ZFPM2: variants seen among roughly 807,000 people sequenced by gnomAD.
ZFPM2 encodes zinc finger protein ZFPM2.
A neutral mutation model predicts 98.6 loss-of-function variants in ZFPM2; 20 were observed. The observed-to-expected ratio is 0.20, with a 90% CI of 0.14 to 0.29. The LOEUF (loss-of-function observed/expected upper bound fraction) is 0.29. Ranked by LOEUF, ZFPM2 falls within the 10% of genes least tolerant of loss-of-function variation. ZFPM2 has a pLI of 1.00. For synonymous variants in ZFPM2, 518 were observed against 502.7 expected (o/e 1.03, Z -0.41); for missense variants, 1,310 against 1,388.6 (o/e 0.94, Z 0.90).
rs545639143 is a variant in ZFPM2, at chr8:105,620,560, G to T, written c.421-13686G>T. 8.5e-5 allele frequency among the ~76,000 whole-genome samples: 13 copies of T among 152,168 alleles called. No homozygotes were observed. In the East Asian group the frequency reaches 2.3e-3, roughly 27 times the overall value. On this transcript the variant is annotated intron_variant, in intron 4 of 7. Transcript: ENST00000407775. Reference sequence around the variant, plus strand: ...AATTAGATCCCATTTGTCTATTTTGGCTTTTATTGCCATTGCTTTTGTGTT... The same window carrying T: ...AATTAGATCCCATTTGTCTATTTTGTCTTTTATTGCCATTGCTTTTGTGTT...
intron 1 of ZFPM2, among the ~76,000 whole-genome samples, chr8:105,333,048 G>C (rs1812262181): frequency 6.6e-6 from 1 of 151,676 alleles, no homozygotes; most frequent in South Asian, 2.1e-4. Context: ...GTATTTGCTT[G>C]ATAATTGCTT....
intron 6 of ZFPM2, among the ~76,000 whole-genome samples, chr8:105,789,654 C>T (rs1425514538): frequency 5.9e-5 from 9 of 151,910 alleles, no homozygotes; most frequent in Admixed American, 2.6e-4. Context: ...CCTGAGGAAT[C>T]GCCACACTGA....
intron 5 of ZFPM2, among the ~76,000 whole-genome samples, chr8:105,664,615 A>T (rs1387547884): frequency 1.3e-5 from 2 of 152,214 alleles, no homozygotes; most frequent in Non-Finnish European, 2.9e-5. Flanking sequence ...GATTATAGGC[A>T]AGAGCCACCG....
intron 5 of ZFPM2, among the ~76,000 whole-genome samples, chr8:105,745,106 A>G (rs935923561): frequency 6.6e-6 from 1 of 152,210 alleles, no homozygotes; most frequent in South Asian, 2.1e-4. Flanking sequence ...GTAGCTTTTA[A>G]TGTGTCTTTA....
intron 6 of ZFPM2, among the ~76,000 whole-genome samples, chr8:105,796,334 T>G (rs1046813677): frequency 1.3e-5 from 2 of 152,222 alleles, no homozygotes; most frequent in Admixed American, 6.5e-5. Context: ...GCAAGACAGC[T>G]ATTTATGTCA....
At chr8:105,655,575 A>G (rs72673785) in intron 5 of ZFPM2, among the ~76,000 whole-genome samples, 17,049 of 152,184 alleles carry the variant, frequency 0.11, 1,051 homozygotes, top group Middle Eastern at 0.2. Context: ...AATGGCGGAC[A>G]ATGCTTTGTT....
chr8:105,418,341 G>C (rs2130075029), intron 1 of ZFPM2, among the ~76,000 whole-genome samples: 1 of 152,234 alleles, frequency 6.6e-6, no homozygotes, highest in East Asian at 1.9e-4. Flanking sequence ...GAGGCAGTCA[G>C]AAATTCACAA....
intron 5 of ZFPM2, among the ~76,000 whole-genome samples, chr8:105,763,313 A>G (rs1812777678): frequency 6.6e-6 from 1 of 151,788 alleles, no homozygotes; most frequent in African/African-American, 2.4e-5. Context: ...TACAGGACCA[A>G]TCTCCTTCCA....
At chr8:105,761,899 A>G (rs951483093) in intron 5 of ZFPM2, among the ~76,000 whole-genome samples, 1 of 152,028 alleles carries the variant, frequency 6.6e-6, no homozygotes, top group African/African-American at 2.4e-5. Flanking sequence ...TAAGGACTGA[A>G]GCACATAAAT....
chr8:105,802,912 G>GTCTT lies in ZFPM2; in HGVS notation c.2832_2835dup (p.Ser946LeufsTer2). 1 of 1,613,620 alleles carries GTCTT rather than the reference G, an allele frequency of 6.2e-7. No individual in the cohort carries two copies. Among genetic ancestry groups the GTCTT allele is most frequent in the South Asian group, 1.1e-5 (1 of 91,032 alleles). On this transcript the variant is annotated frameshift_variant, in exon 8 of 8. Transcript: ENST00000407775. LOFTEE classifies it high-confidence loss of function. ...CCTAGCAACCCTGCAAGGCTTGAAG[G>GTCTT]TCTTTAGTGAAGCTGCTCAGCTCAT...
chr8:105,579,330 G>A (rs1563728149), intron 4 of ZFPM2, among the ~76,000 whole-genome samples: 1 of 152,112 alleles, frequency 6.6e-6, no homozygotes. Context: ...CTAGCCTTAA[G>A]ATTTTTAAAA....
chr8:105,324,247 T>G (rs1462954376), intron 1 of ZFPM2, among the ~76,000 whole-genome samples: 1 of 151,858 alleles, frequency 6.6e-6, no homozygotes, highest in African/African-American at 2.4e-5. Context: ...AGATAGTCAT[T>G]GATTATATCA....
chr8:105,746,756 A>G (rs1812358787), intron 5 of ZFPM2, among the ~76,000 whole-genome samples: 1 of 150,806 alleles, frequency 6.6e-6, no homozygotes, highest in Admixed American at 6.6e-5. Flanking sequence ...AATGTAAGTG[A>G]AAAACAGTTG....
At chr8:105,462,833 C>T (rs528440714) in intron 3 of ZFPM2, among the ~76,000 whole-genome samples, 13 of 152,022 alleles carry the variant, frequency 8.6e-5, no homozygotes, top group South Asian at 2.1e-4. Flanking sequence ...ATAGCGAATC[C>T]GTTTGTATCT....
intron 4 of ZFPM2, among the ~76,000 whole-genome samples, chr8:105,617,398 C>T (rs1266581499): frequency 3.3e-5 from 5 of 152,088 alleles, no homozygotes; most frequent in African/African-American, 9.7e-5. Flanking sequence ...TGAGCAACAC[C>T]AATCTAATCT....
At chr8:105,775,569 C>G (rs958582791) in intron 5 of ZFPM2, among the ~76,000 whole-genome samples, 1 of 152,056 alleles carries the variant, frequency 6.6e-6, no homozygotes, top group Non-Finnish European at 1.5e-5. Flanking sequence ...CAGTTTATTG[C>G]AAATTATTAG....
chr8:105,467,625 C>T (rs111773430), intron 3 of ZFPM2, among the ~76,000 whole-genome samples: 96 of 152,060 alleles, frequency 6.3e-4, no homozygotes, highest in African/African-American at 2.2e-3. Flanking sequence ...CAGGTAGTTA[C>T]CATGTCACCA....
At chr8:105,497,346 GA>G in intron 3 of ZFPM2, among the ~76,000 whole-genome samples, 1 of 152,098 alleles carries the variant, frequency 6.6e-6, no homozygotes, top group Non-Finnish European at 1.5e-5. Flanking sequence ...CAGTGTGACA[GA>G]AAAAGACCAT....
chr8:105,341,449 C>T (rs1404219140), intron 1 of ZFPM2, among the ~76,000 whole-genome samples: 1 of 151,530 alleles, frequency 6.6e-6, no homozygotes, highest in Non-Finnish European at 1.5e-5. Flanking sequence ...AATACAATAA[C>T]ATTAAAAATA....
Sources: allele counts gnomAD v4.1 joint callset (sites outside exome capture counted in the v4.1 genomes callset), GRCh38; gene constraint gnomAD v4.1.1; transcripts MANE v1.5; gene names NCBI Gene and HGNC (gene_info 2026-07-23, HGNC 2026-07-21).